The following FCMR variants were observed in gnomAD, a reference collection of about 807,000 sequenced individuals.
The protein encoded by FCMR is immunoglobulin mu Fc receptor.
FCMR carries 34 observed loss-of-function variants against 41.6 expected under a neutral mutation model. The ratio of observed to expected loss-of-function variants is 0.82; its 90% confidence interval spans 0.62 to 1.09. The LOEUF (loss-of-function observed/expected upper bound fraction) is 1.09, where lower values mean the gene tolerates loss of function less well. Among genes scored for constraint, FCMR ranks in the 50% least tolerant of loss-of-function variants. The pLI, the probability that FCMR is intolerant of heterozygous loss-of-function variation, is 0.00. For missense variants in FCMR, 496 were observed against 512.5 expected (o/e 0.97, Z 0.31); for synonymous variants, 209 against 211.8 (o/e 0.99, Z 0.12).
intron 1 of FCMR, among the ~76,000 whole-genome samples, chr1:206,915,008 G>A (rs1679126865): frequency 6.6e-6 from 1 of 152,244 alleles, no homozygotes; most frequent in Non-Finnish European, 1.5e-5. Context: ...GTGTGGTGCT[G>A]GGAGCATGGT....
At position 206,910,230 on chromosome 1, in the gene FCMR, C is replaced by A. The variant is rs776621652; in HGVS notation, c.821G>T (p.Arg274Met). 6 of 1,602,898 alleles carry A rather than the reference C, an allele frequency of 3.7e-6. No individual in the cohort carries two copies. Among genetic ancestry groups the A allele is most frequent in the East Asian group, 2.3e-5 (1 of 44,416 alleles). ...CTCACCTTTCCTCCTTTCAACGGCC[C>A]TTTTCACCACCAGCCCCAGAAGTGC... ...LLALLGLVVK[R>M]AVERRKALSR... The change falls in exon 5 of 8, where the codon AGG becomes ATG. Residue 274 changes from arginine (R) to methionine (M), a missense_variant. Arg to Met is a moderately conservative substitution (Grantham distance 91). Transcript: ENST00000367091.
In FCMR at chr1:206,909,798, C is replaced by A; in HGVS notation, c.912G>T (p.Gly304=). Residue 304 remains glycine (G), a synonymous_variant, in exon 6 of 8, where the codon GGG becomes GGT. Coordinates refer to ENST00000367091, the MANE Select transcript of FCMR (RefSeq NM_005449.5). The surrounding 1 kb of genome is among the most constrained non-coding windows in gnomAD (Gnocchi z 5.0). The stretch of plus-strand genomic sequence containing the variant: ...TGTTTTGGGAGCGCGGTCGCGGCGA[C>A]CCGCGGGGCCTCTGGGAGCTCTCCA... ...RALESSQRPR[G]SPRPRSQNNI... 1.4e-6 allele frequency: 2 copies of A among 1,438,596 alleles called. No homozygotes were observed. Among genetic ancestry groups the A allele is most frequent in the Middle Eastern group, 2.0e-4 (1 of 4,988 alleles). 89.1% of individuals were successfully genotyped at this position (1,438,596 alleles called of 1,614,324 possible).
rs1679011714 is a variant in FCMR at position 206,913,014 on chromosome 1, T to A, written c.402A>T (p.Pro134=). 1.2e-6 allele frequency: 2 copies of A among 1,613,410 alleles called. No homozygotes were observed. Among genetic ancestry groups the A allele is most frequent in the Non-Finnish European group, 1.7e-6 (2 of 1,179,480 alleles). The change falls in exon 3 of 8, where the codon CCA becomes CCT. Residue 134 remains proline (P), a synonymous_variant. Coordinates refer to ENST00000367091, the MANE Select transcript of FCMR (RefSeq NM_005449.5). ...GAAACCATTTTGGAGTCTCAGGCAT[T>A]GGCTGCTCTTCCCATGATGGCTCGT... ...SEYEPSWEEQ[P]MPETPKWFHL...
intron 1 of FCMR, among the ~76,000 whole-genome samples, chr1:206,916,974 A>G (rs1373177935): frequency 6.6e-6 from 1 of 152,270 alleles, no homozygotes; most frequent in Non-Finnish European, 1.5e-5. Context: ...AGGCATCGAA[A>G]GGAACCAACC....
intron 1 of FCMR, among the ~76,000 whole-genome samples, chr1:206,914,424 CTTCCT>C: frequency 7.6e-6 from 1 of 132,344 alleles, no homozygotes; most frequent in Non-Finnish European, 1.6e-5. Context: ...TCCTTCCTTC[CTTCCT>C]TTCTTTTCTT....
chr1:206,910,218 CTTTCAACGGCCCT>C lies in FCMR; in HGVS notation c.820_832del (p.Arg274GlyfsTer14). On this transcript the variant is annotated frameshift_variant, in exon 5 of 8. Transcript: ENST00000367091. LOFTEE classifies it high-confidence loss of function. ...GAAGCCCAGCCGCTCACCTTTCCTC[CTTTCAACGGCCCT>C]TTTCACCACCAGCCCCAGAAGTGCC... is the stretch of plus-strand genomic sequence containing the variant. The C allele has an allele frequency of 6.2e-7, 1 of 1,602,042 alleles. No individual in the cohort carries two copies. Among genetic ancestry groups the C allele is most frequent in the African/African-American group, 1.3e-5 (1 of 74,588 alleles).
At chr1:206,921,728 C>A in intron 1 of FCMR, 90 bp downstream of exon 1, 1 of 1,256,538 alleles carries the variant, frequency 8.0e-7, no homozygotes, top group Non-Finnish European at 1.2e-6. Context: ...CATCCAGAAA[C>A]ATCAGAGCTA....
At chr1:206,912,805 A>G (rs1261811814) in intron 3 of FCMR, 124 bp downstream of exon 3, 6 of 704,676 alleles carry the variant, frequency 8.5e-6, no homozygotes, top group Non-Finnish European at 1.6e-5. Context: ...GGCAGGGAAT[A>G]CACACCTAAG....
At chr1:206,913,534 C>A in intron 2 of FCMR, 1 of 587,206 alleles carries the variant, frequency 1.7e-6, no homozygotes, top group Non-Finnish European at 3.0e-6. Flanking sequence ...ATGAACAATA[C>A]AAAGAGAGCA....
intron 1 of FCMR, among the ~76,000 whole-genome samples, chr1:206,918,675 G>GTGTGTGTA (rs1679299002): frequency 1.3e-5 from 2 of 151,982 alleles, no homozygotes; most frequent in African/African-American, 4.8e-5. Flanking sequence ...GTGTGTGTGT[G>GTGTGTGTA]TGTGTGTGTG....
chr1:206,915,973 A>C lies in FCMR; in HGVS notation c.38-1879T>G, dbSNP rs1303450858. Among the ~76,000 whole-genome samples the C allele has an allele frequency of 1.4e-5, 2 of 140,200 alleles. 1 individual carries two copies. Among genetic ancestry groups the C allele is most frequent in the South Asian group, 4.9e-4 (2 of 4,054 alleles). 92.0% of individuals were successfully genotyped at this position (140,200 alleles called of 152,430 possible). Reference sequence around the variant, plus strand: ...CAACGGTAGAGAGGTAAAAACAATCATGGGAGGGGGAAAGGGGGTTGGGGC... The same window carrying C: ...CAACGGTAGAGAGGTAAAAACAATCCTGGGAGGGGGAAAGGGGGTTGGGGC... On this transcript the variant is annotated intron_variant, in intron 1 of 7. Transcript: ENST00000367091.
chr1:206,922,925 C>T (rs1193890825), upstream of FCMR, among the ~76,000 whole-genome samples: 1 of 152,194 alleles, frequency 6.6e-6, no homozygotes, highest in East Asian at 1.9e-4. Flanking sequence ...AGGGATTGCC[C>T]CTACCCTGCC....
intron 2 of FCMR, 90 bp downstream of exon 2, chr1:206,913,669 G>A: frequency 1.0e-6 from 1 of 999,770 alleles, no homozygotes; most frequent in Admixed American, 1.8e-5. Context: ...TAAGAGTCTA[G>A]GAGACTGTTA....
intron 1 of FCMR, among the ~76,000 whole-genome samples, chr1:206,914,940 A>C (rs565443522): frequency 6.6e-6 from 1 of 152,176 alleles, no homozygotes; most frequent in Non-Finnish European, 1.5e-5. Flanking sequence ...ACTCACTCCA[A>C]AGAGACATAA....
Position 206,913,775 on chromosome 1 carries a change from G to A in FCMR, c.357C>T (p.Thr119=). ...NTDRGKTQKV[T]LNVHSEYEPS... The stretch of plus-strand genomic sequence containing the variant: ...GGAACCTACCACTGTGGACATTCAG[G>A]GTGACTTTCTGGGTCTTTCCCCGGT... Residue 119 remains threonine (T), a synonymous_variant, in exon 2 of 8, where the codon ACC becomes ACT. Coordinates refer to ENST00000367091, the MANE Select transcript of FCMR (RefSeq NM_005449.5). The A allele has an allele frequency of 6.2e-7, 1 of 1,613,980 alleles. No homozygotes were observed. The highest frequency in any genetic ancestry group is 8.5e-7 in the Non-Finnish European group (1 of 1,179,884).
chr1:206,909,935 C>T lies in FCMR; in HGVS notation c.842-67G>A. On this transcript the variant is annotated intron_variant, in intron 5 of 7. Coordinates refer to ENST00000367091, the MANE Select transcript of FCMR (RefSeq NM_005449.5). This position sits in a 1 kb window ranked among gnomAD's most constrained non-coding sequence, Gnocchi z 5.0. ...AGAGGCCCGTGCCACCCTCCCCAAA[C>T]GAAAGGCTGCCTCCTCCCTCGGGCT... is the stretch of plus-strand genomic sequence containing the variant. 1 of 1,357,400 alleles carries T rather than the reference C, an allele frequency of 7.4e-7. No homozygotes were observed. The highest frequency in any genetic ancestry group is 1.8e-5 in the South Asian group (1 of 56,828). The allele number at this position is 1,357,400 out of a possible 1,614,324, so 84.1% of individuals were successfully genotyped here.
intron 1 of FCMR, among the ~76,000 whole-genome samples, chr1:206,920,922 G>A (rs1468514796): frequency 1.3e-5 from 2 of 152,210 alleles, no homozygotes; most frequent in Non-Finnish European, 2.9e-5. Flanking sequence ...GAGGATACAT[G>A]GGAAGAGGTG....
chr1:206,907,911 C>T, intron 7 of FCMR: 2 of 1,255,196 alleles, frequency 1.6e-6, no homozygotes. Flanking sequence ...GCCAGGCCGC[C>T]CTGGACCACC....
chr1:206,906,099 G>A (rs1678633339), intron 7 of FCMR: 1 of 429,758 alleles, frequency 2.3e-6, no homozygotes. Context: ...CAGCTAATAA[G>A]CACATGTTGG....
Sources: gnomAD v4.1 joint callset for allele counts (sites outside exome capture counted in the v4.1 genomes callset) on GRCh38, gnomAD v4.1.1 for gene constraint, Gnocchi (gnomAD v3.1) non-coding constraint, MANE v1.5 for transcripts, NCBI Gene and HGNC (gene_info 2026-07-23, HGNC 2026-07-21) for gene names.